Variants in MBD5 observed in about 807,000 individuals in gnomAD.
MBD5 encodes methyl-CpG-binding domain protein 5.
Under a neutral mutation model 117.3 loss-of-function variants are expected in MBD5, and 13 were observed. The ratio of observed to expected loss-of-function variants is 0.11; its 90% CI spans 0.07 to 0.18. The LOEUF (loss-of-function observed/expected upper bound fraction) is 0.18, where lower values mean the gene tolerates loss of function less well. MBD5 is among the 10% of genes least tolerant of loss of function. MBD5 has a pLI of 1.00. For missense variants in MBD5, 1,879 were observed against 2,093.8 expected (o/e 0.90, Z 2.00); for synonymous variants, 727 against 766.4 (o/e 0.95, Z 0.85).
intron 4 of MBD5, among the ~76,000 whole-genome samples, chr2:148,368,923 A>C (rs1559042672): frequency 6.6e-6 from 1 of 152,132 alleles, no homozygotes; most frequent in Non-Finnish European, 1.5e-5. Context: ...AAACCTACTA[A>C]TTTGACAGTG....
chr2:148,499,884 T>TAA (rs1204101896), intron 11 of MBD5, among the ~76,000 whole-genome samples: 1 of 152,206 alleles, frequency 6.6e-6, no homozygotes, highest in African/African-American at 2.4e-5. Flanking sequence ...ACACTCTTCA[T>TAA]ATATATTTCA....
chr2:148,148,970 C>T (rs998041712), intron 1 of MBD5, among the ~76,000 whole-genome samples: 20 of 151,926 alleles, frequency 1.3e-4, no homozygotes, highest in South Asian at 4.2e-4. Flanking sequence ...TTAAGTTTTA[C>T]GGTACATGTG....
intron 1 of MBD5, among the ~76,000 whole-genome samples, chr2:148,024,316 C>A (rs1693842088): frequency 6.6e-6 from 1 of 152,162 alleles, no homozygotes; most frequent in Admixed American, 6.5e-5. Flanking sequence ...TCCTCCTGCA[C>A]TTACAATTAA....
chr2:148,058,431 G>T (rs1186677531), intron 1 of MBD5, among the ~76,000 whole-genome samples: 4 of 151,802 alleles, frequency 2.6e-5, no homozygotes, highest in Non-Finnish European at 5.9e-5. Flanking sequence ...CAGTATTTGC[G>T]ATTTTATTAA....
intron 4 of MBD5, among the ~76,000 whole-genome samples, chr2:148,452,422 C>A (rs1706755556): frequency 6.6e-6 from 1 of 152,198 alleles, no homozygotes; most frequent in South Asian, 2.1e-4. Context: ...ATAGCTTGAG[C>A]CCGGGAAGTC....
At chr2:148,254,182 CA>C (rs1323092982) in intron 3 of MBD5, among the ~76,000 whole-genome samples, 1 of 152,232 alleles carries the variant, frequency 6.6e-6, no homozygotes, top group East Asian at 1.9e-4. Flanking sequence ...GGTTCATCAG[CA>C]AGGCTCTTGA....
intron 7 of MBD5, among the ~76,000 whole-genome samples, chr2:148,466,013 G>C (rs1342454708): frequency 1.3e-5 from 2 of 152,004 alleles, no homozygotes; most frequent in East Asian, 3.9e-4. Flanking sequence ...TATATAACTA[G>C]CACAGGTAGT....
rs768351750 is a variant in MBD5 at position 148,178,682 on chromosome 2, C to G, written c.-924-18C>G. ...TATAATCTCAAATTCATTATATTTT[C>G]TTATGCTTCTCTTTTAGATGTACAT... On this transcript the variant is annotated intron_variant, in intron 1 of 13. Coordinates refer to ENST00000642680, the MANE Select transcript of MBD5 (RefSeq NM_001378120.1). 5.0e-6 allele frequency: 2 copies of G among 397,984 alleles called. No homozygotes were observed. The highest frequency in any genetic ancestry group is 8.9e-6 in the Non-Finnish European group (2 of 225,540). The allele number at this position is 397,984 out of a possible 1,614,324, so 24.7% of individuals were successfully genotyped here. A position where few individuals can be genotyped will look rare whatever the true frequency, so the allele number is the denominator to read the frequency against.
intron 2 of MBD5, among the ~76,000 whole-genome samples, chr2:148,185,961 T>C (rs987368362): frequency 1.3e-5 from 2 of 152,352 alleles, no homozygotes; most frequent in Admixed American, 6.5e-5. Flanking sequence ...TTAGCATGAT[T>C]TGCGTATCTC....
At chr2:148,090,460 G>A (rs183085017) in intron 1 of MBD5, among the ~76,000 whole-genome samples, 63 of 152,050 alleles carry the variant, frequency 4.1e-4, no homozygotes, top group African/African-American at 1.4e-3. Context: ...CTAGCAAACC[G>A]AATCCAACGG....
At chr2:148,259,744 T>C (rs924969564) in intron 3 of MBD5, among the ~76,000 whole-genome samples, 26 of 152,194 alleles carry the variant, frequency 1.7e-4, no homozygotes, top group African/African-American at 5.5e-4. Flanking sequence ...CTCACATAGG[T>C]CATCATCTAA....
At chr2:148,485,364 C>G (rs754326746) in intron 9 of MBD5, 1 of 207,144 alleles carries the variant, frequency 4.8e-6, no homozygotes, top group Non-Finnish European at 9.8e-6. Flanking sequence ...TGGTCAGATA[C>G]TTACAATTGC....
At chr2:148,261,734 A>G (rs188958525) in intron 3 of MBD5, among the ~76,000 whole-genome samples, 127 of 152,324 alleles carry the variant, frequency 8.3e-4, no homozygotes, top group African/African-American at 2.7e-3. Context: ...TACATTCACA[A>G]CTTGGCTACC....
At chr2:148,448,257 A>T (rs907584654) in intron 4 of MBD5, among the ~76,000 whole-genome samples, 4 of 152,124 alleles carry the variant, frequency 2.6e-5, no homozygotes, top group African/African-American at 9.7e-5. Context: ...TTTTCTAAAA[A>T]CTGCACAGAA....
intron 3 of MBD5, among the ~76,000 whole-genome samples, chr2:148,247,834 G>A (rs562420545): frequency 6.6e-6 from 1 of 151,934 alleles, no homozygotes; most frequent in East Asian, 1.9e-4. Flanking sequence ...AAAGCTGAGG[G>A]GAAAAAAATA....
intron 1 of MBD5, among the ~76,000 whole-genome samples, chr2:148,120,311 T>C (rs1696738113): frequency 6.6e-6 from 1 of 152,214 alleles, no homozygotes; most frequent in Non-Finnish European, 1.5e-5. Flanking sequence ...TCTAATCAGC[T>C]TGTCAGTTGC....
At chr2:148,235,859 T>G (rs1030634178) in intron 3 of MBD5, among the ~76,000 whole-genome samples, 1 of 152,076 alleles carries the variant, frequency 6.6e-6, no homozygotes, top group Non-Finnish European at 1.5e-5. Context: ...AGTCCAGTGG[T>G]GCAATCATGG....
At chr2:148,423,156 A>G (rs1390415157) in intron 4 of MBD5, among the ~76,000 whole-genome samples, 1 of 152,166 alleles carries the variant, frequency 6.6e-6, no homozygotes, top group Non-Finnish European at 1.5e-5. Flanking sequence ...GAAATGATGG[A>G]AAAAATATTA....
Position 148,483,118 on chromosome 2 carries a change from G to C in MBD5, c.2527G>C (p.Gly843Arg), listed in dbSNP as rs1681215005. ...NQTSSEAGGS[G>R]PSSSIAIAGT... The stretch of plus-strand genomic sequence containing the variant: ...TTTTTTTTTCATTTTAGGCGGTTCA[G>C]GACCATCATCCTCCATAGCCATAGC... The change falls in exon 9 of 14, where the codon GGA becomes CGA. Residue 843 changes from glycine (G) to arginine (R), a missense_variant. Physicochemically the swap from Gly to Arg is moderately radical, Grantham distance 125 (BLOSUM62 -2). Around this residue, in one of 4 missense-constraint regions of MBD5, gnomAD observed 1,666 missense variants for 1,792.2 expected, o/e 0.93. Coordinates refer to ENST00000642680, the MANE Select transcript of MBD5 (RefSeq NM_001378120.1). The C allele has an allele frequency of 6.2e-7, 1 of 1,610,206 alleles. No homozygotes were observed. The highest frequency in any genetic ancestry group is 8.5e-7 in the Non-Finnish European group (1 of 1,179,694).
Sources: allele counts gnomAD v4.1 joint callset (sites outside exome capture counted in the v4.1 genomes callset), GRCh38; gene constraint gnomAD v4.1.1; regional missense constraint gnomAD v4.1.1; transcripts MANE v1.5; gene names NCBI Gene and HGNC (gene_info 2026-07-23, HGNC 2026-07-21).